The following MTR variants were observed in gnomAD, a reference collection of about 807,000 sequenced individuals.
The protein encoded by MTR is methionine synthase.
In MTR, 84 loss-of-function variants were observed where a neutral mutation model predicts 154.8. The ratio of observed to expected loss-of-function variants is 0.54; its 90% CI spans 0.45 to 0.65. The LOEUF is 0.65. Ranked by LOEUF, MTR falls within the 30% of genes least tolerant of loss-of-function variation. The pLI is 0.00. For synonymous variants in MTR, 554 were observed against 553.9 expected, an observed-to-expected ratio of 1.00 and a Z score of 0.00; for missense variants, 1,275 against 1,570.2, an observed-to-expected ratio of 0.81 and a Z score of 3.18.
intron 5 of MTR, among the ~76,000 whole-genome samples, chr1:236,811,938 G>A (rs1011191436): frequency 1.3e-5 from 2 of 152,214 alleles, no homozygotes; most frequent in Admixed American, 1.3e-4. Context: ...TTGGATATCT[G>A]AGCATTATCT....
chr1:236,813,531 C>CA (rs1181710861), intron 6 of MTR, among the ~76,000 whole-genome samples: 2 of 152,204 alleles, frequency 1.3e-5, no homozygotes, highest in Non-Finnish European at 2.9e-5. Flanking sequence ...ACGACACCCT[C>CA]ACTAGCACTG....
rs1240266731 is a variant in MTR, at chr1:236,889,313, A to C, written c.2984A>C (p.Lys995Thr). 19 of 1,614,114 alleles carry C rather than the reference A, an allele frequency of 1.2e-5. No individual in the cohort carries two copies. Among genetic ancestry groups the C allele is most frequent in the Non-Finnish European group, 1.6e-5 (19 of 1,180,050 alleles). ...RGKYPNRGFPKIFNDKTVGGE... is the reference protein window; with the variant it reads ...RGKYPNRGFPTIFNDKTVGGE... ...AAGTACCCGAATCGAGGCTTTCCCAAGATATTTAACGACAAAACAGTAGGT... is the reference window on the plus strand; with the variant it reads ...AAGTACCCGAATCGAGGCTTTCCCACGATATTTAACGACAAAACAGTAGGT... The change falls in exon 28 of 33, where the codon AAG (lysine) becomes ACG (threonine). Residue 995 changes from lysine (K) to threonine (T), a missense_variant. Physicochemically the swap from Lys to Thr is moderately conservative, Grantham distance 78 (BLOSUM62 -1). Transcript: ENST00000366577.
At chr1:236,885,910 GT>G (rs1303139085) in intron 26 of MTR, among the ~76,000 whole-genome samples, 1 of 152,116 alleles carries the variant, frequency 6.6e-6, no homozygotes, top group African/African-American at 2.4e-5. Context: ...CTCTCCTTAG[GT>G]TCGCCCACAG....
chr1:236,819,509 C>A, intron 8 of MTR: 1 of 315,500 alleles, frequency 3.2e-6, no homozygotes, highest in Non-Finnish European at 6.1e-6. Context: ...GTATTGAAGA[C>A]CATCTTGGTT....
intron 1 of MTR, among the ~76,000 whole-genome samples, chr1:236,797,460 A>G (rs902741929): frequency 3.3e-5 from 5 of 152,182 alleles, no homozygotes; most frequent in East Asian, 1.9e-4. Context: ...ATCCTTGCTT[A>G]GGACTGTGAG....
In MTR at chr1:236,901,915, C is replaced by T. The variant is rs1463744162; in HGVS notation, c.*4271C>T. 1.3e-5 allele frequency: 2 copies of T among 152,278 alleles called. No homozygotes were observed. The highest frequency in any genetic ancestry group is 1.5e-5 in the Non-Finnish European group (1 of 68,102). The allele number at this position is 152,278 out of a possible 1,614,324, so 9.4% of individuals were successfully genotyped here. A position where few individuals can be genotyped will look rare whatever the true frequency, so the allele number is the denominator to read the frequency against. ...TCTCAACCTTCACATCCAGTTGGTTCTCAAGCCCTGGCGATTTTACGCGCT... is the reference window on the plus strand; with the variant it reads ...TCTCAACCTTCACATCCAGTTGGTTTTCAAGCCCTGGCGATTTTACGCGCT... On this transcript the variant is annotated 3_prime_UTR_variant, in exon 33 of 33. Coordinates refer to ENST00000366577, the MANE Select transcript of MTR (RefSeq NM_000254.3).
At chr1:236,871,590 T>TAAGC (rs1665135907) in intron 22 of MTR, among the ~76,000 whole-genome samples, 1 of 152,220 alleles carries the variant, frequency 6.6e-6, no homozygotes, top group East Asian at 1.9e-4. Context: ...TTCCTAGTTT[T>TAAGC]ATATGTGACA....
In MTR at chr1:236,897,839, G is replaced by GT. The variant is rs1318882115; in HGVS notation, c.*202dup. 13 of 605,022 alleles carry GT rather than the reference G, an allele frequency of 2.1e-5. 1 individual carries two copies. The highest frequency in any genetic ancestry group is 3.8e-5 in the Non-Finnish European group (13 of 345,542). The allele number at this position is 605,022 out of a possible 1,614,324, so 37.5% of individuals were successfully genotyped here. A position where few individuals can be genotyped will look rare whatever the true frequency, so the allele number is the denominator to read the frequency against. ...CTGCAGTGCCTGGAAAACAGGCGCT[G>GT]TTTTTTTGGGACCTTGCGTGAAGAG... On this transcript the variant is annotated 3_prime_UTR_variant, in exon 33 of 33. Coordinates refer to ENST00000366577, the MANE Select transcript of MTR (RefSeq NM_000254.3).
In MTR at chr1:236,903,606, T is replaced by C. The variant is rs1264775921; in HGVS notation, c.*5962T>C. ...TTGAGAACCTTGAGAGTGTATATTC[T>C]ATGAAATGGAAGAAACAAGAACTAG... On this transcript the variant is annotated 3_prime_UTR_variant, in exon 33 of 33. Coordinates refer to ENST00000366577, the MANE Select transcript of MTR (RefSeq NM_000254.3). The C allele has an allele frequency of 1.3e-5, 2 of 152,222 alleles. No homozygotes were observed. Among genetic ancestry groups the C allele is most frequent in the African/African-American group, 4.8e-5 (2 of 41,470 alleles). 9.4% of individuals were successfully genotyped at this position (152,222 alleles called of 1,614,324 possible). A position where few individuals can be genotyped will look rare whatever the true frequency, so the allele number is the denominator to read the frequency against.
chr1:236,816,393 A>G, intron 7 of MTR, 56 bp from the exon 8 acceptor site: 1 of 1,390,794 alleles, frequency 7.2e-7, no homozygotes, highest in Non-Finnish European at 1.0e-6. Flanking sequence ...TTGCCTTTAT[A>G]TCTATATTCT....
intron 30 of MTR, chr1:236,894,822 A>G (rs1056176220): frequency 7.9e-6 from 4 of 509,422 alleles, no homozygotes; most frequent in Middle Eastern, 5.3e-4. Context: ...TCTCTACCTT[A>G]TCTCTGTTGT....
chr1:236,826,949 T>G, intron 11 of MTR, 53 bp downstream of exon 11: 1 of 1,493,228 alleles, frequency 6.7e-7, no homozygotes, highest in South Asian at 1.1e-5. Context: ...AATCAGGTAA[T>G]AATCTAAATA....
chr1:236,805,996 TGCA>T, intron 2 of MTR, 145 bp from the exon 3 acceptor site: 1 of 707,746 alleles, frequency 1.4e-6, no homozygotes, highest in African/African-American at 1.8e-5. Flanking sequence ...TACACCTTTT[TGCA>T]TCTCTACCTT....
At chr1:236,853,895 G>A (rs1369225307) in intron 18 of MTR, among the ~76,000 whole-genome samples, 2 of 152,170 alleles carry the variant, frequency 1.3e-5, no homozygotes, top group Non-Finnish European at 2.9e-5. Context: ...AGTATCTATC[G>A]TAGATGGTTC....
chr1:236,863,544 A>G lies in MTR; in HGVS notation c.2395A>G (p.Asn799Asp). 6.2e-7 allele frequency: 1 copy of G among 1,614,020 alleles called. No individual in the cohort carries two copies. The part of the protein sequence containing the change: ...KNIVGVVLGC[N>D]NFRVIDLGVM... ...CATAGTTGGAGTAGTCCTTGGCTGC[A>G]ATAATTTCCGGTAAGTTAGGACCTC... The change falls in exon 22 of 33, where the codon AAT (asparagine) becomes GAT (aspartate). Residue 799 changes from asparagine to aspartate, a missense_variant. Physicochemically the swap from Asn to Asp is conservative, Grantham distance 23. Coordinates refer to ENST00000366577, the MANE Select transcript of MTR (RefSeq NM_000254.3).
At chr1:236,861,000 C>T (rs752029821) in intron 19 of MTR, 125 bp from the exon 20 acceptor site, 26 of 804,226 alleles carry the variant, frequency 3.2e-5, no homozygotes, top group Non-Finnish European at 3.8e-5. Context: ...AGTCCATGCA[C>T]TCTGCTTCTG....
intron 14 of MTR, among the ~76,000 whole-genome samples, chr1:236,836,386 C>T (rs1490422455): frequency 6.6e-6 from 1 of 152,012 alleles, no homozygotes; most frequent in Non-Finnish European, 1.5e-5. Context: ...GCTGGGACCA[C>T]AGGCACGCAT....
intron 29 of MTR, among the ~76,000 whole-genome samples, chr1:236,892,020 C>CA (rs1666357019): frequency 6.6e-6 from 1 of 152,162 alleles, no homozygotes; most frequent in African/African-American, 2.4e-5. Flanking sequence ...TCATCCCCCC[C>CA]ACCTTTGAAA....
At position 236,806,275 on chromosome 1, in the gene MTR, C is replaced by T. The variant is rs1180355127; in HGVS notation, c.339+42C>T. 5.3e-6 allele frequency: 8 copies of T among 1,508,210 alleles called. No homozygotes were observed. In the East Asian group the frequency reaches 6.8e-5, roughly 13 times the overall value. The allele number at this position is 1,508,210 out of a possible 1,614,324, so 93.4% of individuals were successfully genotyped here. On this transcript the variant is annotated intron_variant, in intron 3 of 32. Coordinates refer to ENST00000366577, the MANE Select transcript of MTR (RefSeq NM_000254.3). ...TCCATGTGTCTAAGATGCTTACGAGCGTTTGCTGCATTGGTAGTTGCTAGT... is the reference window on the plus strand; with the variant it reads ...TCCATGTGTCTAAGATGCTTACGAGTGTTTGCTGCATTGGTAGTTGCTAGT...
Sources: allele counts gnomAD v4.1 joint callset (sites outside exome capture counted in the v4.1 genomes callset), GRCh38; gene constraint gnomAD v4.1.1; transcripts MANE v1.5; gene names NCBI Gene and HGNC (gene_info 2026-07-23, HGNC 2026-07-21).